The following ASIC2 variants were observed in gnomAD, a reference collection of about 807,000 sequenced individuals.
The protein encoded by ASIC2 is acid sensing ion channel subunit 2.
A neutral mutation model predicts 57.3 loss-of-function variants in ASIC2; 25 were observed. That is an observed-to-expected ratio of 0.44 (90% CI 0.32 to 0.61). The LOEUF (loss-of-function observed/expected upper bound fraction) is 0.61. Among genes scored for constraint, ASIC2 ranks in the 20% least tolerant of loss-of-function variants. ASIC2 has a pLI of 0.06. For synonymous variants in ASIC2, 319 were observed against 307.5 expected (o/e 1.04, Z -0.39); for missense variants, 641 against 738.1 (o/e 0.87, Z 1.52).
intron 1 of ASIC2, among the ~76,000 whole-genome samples, chr17:33,300,515 A>T (rs1328826935): frequency 6.6e-6 from 1 of 152,212 alleles, no homozygotes; most frequent in Non-Finnish European, 1.5e-5. Context: ...ACCCTAATGG[A>T]TGAAAGCTCT....
intron 1 of ASIC2, among the ~76,000 whole-genome samples, chr17:33,910,070 T>A (rs879447842): frequency 3.9e-5 from 6 of 152,136 alleles, no homozygotes; most frequent in African/African-American, 9.7e-5. Context: ...ACCCGTGCAG[T>A]GCTAAGAGTG....
chr17:34,000,402 C>T (rs1031191274), intron 1 of ASIC2, among the ~76,000 whole-genome samples: 1 of 152,024 alleles, frequency 6.6e-6, no homozygotes, highest in Non-Finnish European at 1.5e-5. Context: ...CAGGCGTGTG[C>T]CACCCCAAGC....
chr17:33,618,973 T>TGGGTG (rs376097488), intron 1 of ASIC2, among the ~76,000 whole-genome samples: 178 of 152,314 alleles, frequency 1.2e-3, no homozygotes, highest in Non-Finnish European at 1.8e-3. Flanking sequence ...AAATATCTCC[T>TGGGTG]GTGTGAATTT....
intron 1 of ASIC2, among the ~76,000 whole-genome samples, chr17:33,893,584 A>T (rs1355342085): frequency 6.6e-6 from 1 of 152,236 alleles, no homozygotes; most frequent in Non-Finnish European, 1.5e-5. Context: ...ATCAATTAGC[A>T]GTATCAGCTG....
intron 1 of ASIC2, among the ~76,000 whole-genome samples, chr17:33,874,647 A>T (rs936412581): frequency 6.6e-6 from 1 of 152,098 alleles, no homozygotes; most frequent in Admixed American, 6.5e-5. Flanking sequence ...CCCTTTCTTC[A>T]TACCCCAAAC....
At chr17:33,279,627 C>T (rs558353708) in intron 1 of ASIC2, among the ~76,000 whole-genome samples, 5 of 152,242 alleles carry the variant, frequency 3.3e-5, no homozygotes, top group Non-Finnish European at 5.9e-5. Flanking sequence ...GTGGCTCACA[C>T]CTGCAATCCC....
chr17:34,103,455 G>T (rs1358269643), intron 1 of ASIC2, among the ~76,000 whole-genome samples: 1 of 152,030 alleles, frequency 6.6e-6, no homozygotes, highest in Non-Finnish European at 1.5e-5. Flanking sequence ...TGCCTGGCTT[G>T]TTTCAATTTT....
chr17:33,082,759 G>A (rs2092118353), intron 3 of ASIC2, among the ~76,000 whole-genome samples: 1 of 151,370 alleles, frequency 6.6e-6, no homozygotes, highest in African/African-American at 2.4e-5. Flanking sequence ...CATGGTTTGA[G>A]CAAAGAGTCT....
chr17:33,868,089 G>A (rs912102649), intron 1 of ASIC2, among the ~76,000 whole-genome samples: 1 of 151,974 alleles, frequency 6.6e-6, no homozygotes, highest in Non-Finnish European at 1.5e-5. Context: ...TTCTCTCTGA[G>A]CATTAGAAAT....
At chr17:34,112,341 CA>C (rs956637024) in intron 1 of ASIC2, among the ~76,000 whole-genome samples, 17 of 149,292 alleles carry the variant, frequency 1.1e-4, no homozygotes, top group African/African-American at 3.2e-4. Context: ...AATTCAATAA[CA>C]AAAAAAGACA....
chr17:34,030,006 A>G (rs951839567), intron 1 of ASIC2, among the ~76,000 whole-genome samples: 40 of 152,188 alleles, frequency 2.6e-4, no homozygotes, highest in African/African-American at 9.2e-4. Flanking sequence ...GCTAACACAG[A>G]GCATGGTCAA....
At chr17:33,123,464 T>A (rs1031751092) in intron 1 of ASIC2, among the ~76,000 whole-genome samples, 1 of 152,180 alleles carries the variant, frequency 6.6e-6, no homozygotes, top group Admixed American at 6.5e-5. Context: ...TCAGAGATAG[T>A]AGAATGGTGG....
intron 1 of ASIC2, among the ~76,000 whole-genome samples, chr17:33,148,298 G>T (rs1904648598): frequency 6.6e-6 from 1 of 152,174 alleles, no homozygotes; most frequent in African/African-American, 2.4e-5. Context: ...TCATTCCACA[G>T]GTAACTGAAT....
intron 1 of ASIC2, among the ~76,000 whole-genome samples, chr17:33,711,950 A>G (rs1393638577): frequency 1.3e-5 from 2 of 152,196 alleles, no homozygotes; most frequent in African/African-American, 2.4e-5. Context: ...TAAAACCCCA[A>G]GGTCCCTGGG....
At chr17:33,820,673 AAAT>A (rs1912715824) in intron 1 of ASIC2, among the ~76,000 whole-genome samples, 1 of 152,348 alleles carries the variant, frequency 6.6e-6, no homozygotes, top group South Asian at 2.1e-4. Context: ...ATAATGGAAA[AAAT>A]AATTTCACTT....
chr17:33,502,583 T>TATA (rs762347747), intron 1 of ASIC2, among the ~76,000 whole-genome samples: 66 of 152,218 alleles, frequency 4.3e-4, no homozygotes, highest in Non-Finnish European at 7.9e-4. Context: ...GCTGACAGAT[T>TATA]CCTGAATACT....
chr17:33,627,207 G>A (rs1906014631), intron 1 of ASIC2: 1 of 152,216 alleles, frequency 6.6e-6, no homozygotes, highest in Admixed American at 6.5e-5. Flanking sequence ...AGCCATTCCA[G>A]ATTCCAGATT....
chr17:33,430,613 T>G (rs569335535), intron 1 of ASIC2, among the ~76,000 whole-genome samples: 2 of 152,280 alleles, frequency 1.3e-5, no homozygotes, highest in South Asian at 2.1e-4. Flanking sequence ...GGAAAGCCCA[T>G]GGTCCATCTA....
At chr17:33,413,188 G>A (rs1224069643) in intron 1 of ASIC2, among the ~76,000 whole-genome samples, 1 of 152,168 alleles carries the variant, frequency 6.6e-6, no homozygotes, top group Non-Finnish European at 1.5e-5. Context: ...CAAATCAGGA[G>A]CTCTGACTCA....
Sources: allele counts gnomAD v4.1 joint callset (sites outside exome capture counted in the v4.1 genomes callset), GRCh38; gene constraint gnomAD v4.1.1; transcripts MANE v1.5; gene names NCBI Gene and HGNC (gene_info 2026-07-23, HGNC 2026-07-21).